The following FHOD3 variants were observed in gnomAD, a reference collection of about 807,000 sequenced individuals.
FHOD3 encodes formin homology 2 domain containing 3.
Under a neutral mutation model 173.0 loss-of-function variants are expected in FHOD3, and 90 were observed. That is an observed-to-expected ratio of 0.52 (90% CI 0.44 to 0.62). FHOD3 has a LOEUF of 0.62. Among genes scored for constraint, FHOD3 ranks in the 20% least tolerant of loss-of-function variants. The probability of loss-of-function intolerance (pLI) is 0.00; values close to 1 mark genes in which losing one functional copy is unlikely to be tolerated. For missense variants in FHOD3, 1,945 were observed against 2,034.7 expected, an observed-to-expected ratio of 0.96 and a Z score of 0.85; for synonymous variants, 828 against 823.0, an observed-to-expected ratio of 1.01 and a Z score of -0.10.
At chr18:36,680,970 G>A (rs1203386717) in intron 14 of FHOD3, among the ~76,000 whole-genome samples, 3 of 151,890 alleles carry the variant, frequency 2.0e-5, no homozygotes, top group Non-Finnish European at 4.4e-5. Context: ...TTTGTTAATC[G>A]GTATCTTTCA....
chr18:36,738,845 A>T lies in FHOD3; in HGVS notation c.3577-1811A>T, dbSNP rs147202686. On this transcript the variant is annotated intron_variant, in intron 20 of 28. Transcript: ENST00000590592. ...TCTTAATTACTATAGCTTTTTATTT[A>T]TTAAAGTCAGGTTATACGATTTCTC... is the stretch of plus-strand genomic sequence containing the variant. 3.3e-5 allele frequency among the ~76,000 whole-genome samples: 5 copies of T among 152,282 alleles called. No individual in the cohort carries two copies. The East Asian group carries it at 9.7e-4, about 29-fold the overall frequency.
chr18:36,576,374 T>G, intron 5 of FHOD3, 77 bp from the exon 6 acceptor site: 1 of 1,019,448 alleles, frequency 9.8e-7, no homozygotes, highest in Non-Finnish European at 1.4e-6. Context: ...ATGAAAATCT[T>G]GATCAGCATT....
intron 17 of FHOD3, 115 bp downstream of exon 17, chr18:36,693,538 C>CCCAT: frequency 1.0e-6 from 1 of 967,748 alleles, no homozygotes; most frequent in Non-Finnish European, 1.6e-6. Context: ...ACTATGGGTA[C>CCCAT]ACTTTGTTGG....
intron 17 of FHOD3, among the ~76,000 whole-genome samples, chr18:36,705,291 G>A (rs567748778): frequency 3.3e-5 from 5 of 152,254 alleles, no homozygotes; most frequent in South Asian, 4.2e-4. Context: ...CCTCCGGCAC[G>A]CAGTGGGCTC....
At position 36,771,358 on chromosome 18, in the gene FHOD3, C is replaced by A. The variant is rs192340282; in HGVS notation, c.4786+1932C>A. Among the ~76,000 whole-genome samples, 12 of 152,308 alleles carry A rather than the reference C, an allele frequency of 7.9e-5. No individual in the cohort carries two copies. The East Asian group carries it at 2.1e-3, about 27-fold the overall frequency. The stretch of plus-strand genomic sequence containing the variant: ...CAGGCTGCATCTCAGTTGCTCTAGG[C>A]CAAGGCAACGCTTCCATTTTTGCCT... On this transcript the variant is annotated intron_variant, in intron 28 of 28. Transcript: ENST00000590592.
chr18:36,473,264 A>G (rs2053383444), intron 3 of FHOD3, among the ~76,000 whole-genome samples: 1 of 152,168 alleles, frequency 6.6e-6, no homozygotes, highest in Non-Finnish European at 1.5e-5. Context: ...AAATACAAAA[A>G]TTAGCTGAGT....
At chr18:36,548,063 A>G (rs1319515398) in intron 5 of FHOD3, among the ~76,000 whole-genome samples, 1 of 152,144 alleles carries the variant, frequency 6.6e-6, no homozygotes, top group African/African-American at 2.4e-5. Context: ...GTGATGGTGC[A>G]TGCCTGTTAT....
intron 5 of FHOD3, among the ~76,000 whole-genome samples, chr18:36,547,836 A>AGCCT (rs1304564461): frequency 2.0e-5 from 3 of 152,154 alleles, no homozygotes; most frequent in Non-Finnish European, 2.9e-5. Flanking sequence ...TTTTGAGCTA[A>AGCCT]GCCTGGAAAG....
intron 16 of FHOD3, among the ~76,000 whole-genome samples, chr18:36,690,837 G>A (rs951891647): frequency 6.6e-6 from 1 of 152,106 alleles, no homozygotes; most frequent in Admixed American, 6.6e-5. Flanking sequence ...TCACATTGTT[G>A]TGTAACCAGT....
intron 3 of FHOD3, among the ~76,000 whole-genome samples, chr18:36,426,458 T>A (rs1708690): frequency 0.82 from 125,211 of 152,040 alleles, 51,812 homozygotes; most frequent in East Asian, 0.93. Context: ...AGCCATGGAG[T>A]TGTCAGTGGA....
At chr18:36,746,081 T>C (rs2042144461) in intron 23 of FHOD3, among the ~76,000 whole-genome samples, 2 of 152,146 alleles carry the variant, frequency 1.3e-5, no homozygotes, top group Non-Finnish European at 2.9e-5. Flanking sequence ...ATCTCTCTGA[T>C]TTATGTAATT....
At chr18:36,470,340 T>A (rs1473160002) in intron 3 of FHOD3, among the ~76,000 whole-genome samples, 3 of 152,226 alleles carry the variant, frequency 2.0e-5, no homozygotes, top group Non-Finnish European at 4.4e-5. Flanking sequence ...TGGCCTCAGT[T>A]TCCCCAGATG....
At chr18:36,709,657 G>A (rs1433862822) in intron 18 of FHOD3, 8 of 440,420 alleles carry the variant, frequency 1.8e-5, no homozygotes, top group South Asian at 8.3e-5. Flanking sequence ...AAAGGGCCCC[G>A]ATAAGGAGGG....
chr18:36,724,198 T>C (rs1230302625), intron 19 of FHOD3, among the ~76,000 whole-genome samples: 1 of 152,272 alleles, frequency 6.6e-6, no homozygotes, highest in Non-Finnish European at 1.5e-5. Flanking sequence ...AGGATTGGTG[T>C]CTCACCAAGG....
chr18:36,328,316 G>A (rs965616197), intron 1 of FHOD3, among the ~76,000 whole-genome samples: 20 of 152,132 alleles, frequency 1.3e-4, no homozygotes, highest in Admixed American at 5.2e-4. Flanking sequence ...AGTCCAACAG[G>A]GTGGGAGAGA....
intron 3 of FHOD3, among the ~76,000 whole-genome samples, chr18:36,398,165 G>T (rs147982511): frequency 1.6e-3 from 246 of 152,286 alleles, no homozygotes; most frequent in Non-Finnish European, 2.7e-3. Context: ...GAAGTTAAAA[G>T]GATATTTTGA....
chr18:36,376,567 C>T (rs1425757094), intron 3 of FHOD3, among the ~76,000 whole-genome samples: 1 of 152,132 alleles, frequency 6.6e-6, no homozygotes. Flanking sequence ...ATGAGTCAGG[C>T]AGAGGCTGTC....
intron 8 of FHOD3, among the ~76,000 whole-genome samples, chr18:36,609,846 A>G (rs1282334356): frequency 2.6e-5 from 4 of 152,100 alleles, no homozygotes; most frequent in African/African-American, 7.2e-5. Context: ...CCTAGCCTCA[A>G]GTGATCCACC....
intron 1 of FHOD3, among the ~76,000 whole-genome samples, chr18:36,332,529 G>A (rs1350359615): frequency 6.6e-6 from 1 of 152,246 alleles, no homozygotes. Context: ...GGTTCTGGCA[G>A]TGTCAACTCT....
Sources: allele counts gnomAD v4.1 joint callset (sites outside exome capture counted in the v4.1 genomes callset), GRCh38; gene constraint gnomAD v4.1.1; transcripts MANE v1.5; gene names NCBI Gene and HGNC (gene_info 2026-07-23, HGNC 2026-07-21).